The following PPP1R36 variants were observed in gnomAD, a reference collection of about 807,000 sequenced individuals.
PPP1R36 encodes protein phosphatase 1 regulatory subunit 36.
PPP1R36 carries 47 observed loss-of-function variants against 53.4 expected under a neutral mutation model. That is an observed-to-expected ratio of 0.88 (90% confidence interval 0.70 to 1.12). The LOEUF (loss-of-function observed/expected upper bound fraction) is 1.12. Ranked by LOEUF, PPP1R36 falls within the 50% of genes most tolerant of loss-of-function variation. The pLI, the probability that PPP1R36 is intolerant of heterozygous loss-of-function variation, is 0.00. For synonymous variants in PPP1R36, 153 were observed against 170.5 expected, an observed-to-expected ratio of 0.90 and a Z score of 0.80; for missense variants, 456 against 513.9, an observed-to-expected ratio of 0.89 and a Z score of 1.09.
At chr14:64,575,399 TA>T (rs2140240006) in intron 8 of PPP1R36, among the ~76,000 whole-genome samples, 1 of 152,350 alleles carries the variant, frequency 6.6e-6, no homozygotes, top group Admixed American at 6.5e-5. Flanking sequence ...TTATTCTGAC[TA>T]TGTGATTTCA....
chr14:64,585,547 A>G (rs890401555), intron 8 of PPP1R36, among the ~76,000 whole-genome samples: 4 of 143,128 alleles, frequency 2.8e-5, no homozygotes, highest in Admixed American at 1.4e-4. Context: ...AAAATTAGCC[A>G]GTGTGGTGGT....
chr14:64,558,253 A>G (rs1368341716), intron 3 of PPP1R36, among the ~76,000 whole-genome samples: 1 of 152,214 alleles, frequency 6.6e-6, no homozygotes, highest in Admixed American at 6.5e-5. Context: ...GTTACAGGTG[A>G]GAATCTGAGA....
intron 7 of PPP1R36, among the ~76,000 whole-genome samples, chr14:64,571,881 C>T (rs1192637140): frequency 1.3e-5 from 2 of 152,060 alleles, no homozygotes; most frequent in Non-Finnish European, 2.9e-5. Flanking sequence ...GAACACCCCT[C>T]ATAAAACTAT....
intron 3 of PPP1R36, among the ~76,000 whole-genome samples, chr14:64,559,969 G>T (rs1287179113): frequency 6.6e-6 from 1 of 151,920 alleles, no homozygotes; most frequent in Non-Finnish European, 1.5e-5. Context: ...TGGGCATGGT[G>T]GTACGTGCCT....
rs758072719 is a variant in PPP1R36 at position 64,586,885 on chromosome 14, T to C, written c.711+6T>C. 1 of 1,609,422 alleles carries C rather than the reference T, an allele frequency of 6.2e-7. No individual in the cohort carries two copies. The highest frequency in any genetic ancestry group is 8.5e-7 in the Non-Finnish European group (1 of 1,176,370). On this transcript the variant is annotated splice_donor_region_variant and intron_variant, in intron 9 of 11. Transcript: ENST00000298705. ...AAGACTGGAAGTTCTTTGAGGTGAG[T>C]CACTTATGTTTTGGTGCTTTTTGAT...
chr14:64,550,611 C>A (rs1233411371), intron 1 of PPP1R36, among the ~76,000 whole-genome samples: 1 of 152,110 alleles, frequency 6.6e-6, no homozygotes, highest in Non-Finnish European at 1.5e-5. Flanking sequence ...TCCCTTCCTC[C>A]GCTGCTTCTT....
intron 8 of PPP1R36, among the ~76,000 whole-genome samples, chr14:64,577,403 G>A (rs1355347499): frequency 6.6e-6 from 1 of 152,106 alleles, no homozygotes; most frequent in Admixed American, 6.5e-5. Flanking sequence ...CCACAGTTGC[G>A]GGACTTCTCT....
intron 3 of PPP1R36, among the ~76,000 whole-genome samples, chr14:64,554,591 T>C (rs917830173): frequency 6.6e-6 from 1 of 152,200 alleles, no homozygotes; most frequent in Non-Finnish European, 1.5e-5. Flanking sequence ...TGGAGACTTT[T>C]GTTACTCCAG....
chr14:64,583,075 A>ATT (rs34144614), intron 8 of PPP1R36, among the ~76,000 whole-genome samples: 2,317 of 133,024 alleles, frequency 0.017, 39 homozygotes, highest in Middle Eastern at 0.033. Context: ...ATATATATAT[A>ATT]TTTTTTTTTT....
intron 8 of PPP1R36, among the ~76,000 whole-genome samples, chr14:64,581,869 G>A (rs1041965007): frequency 1.3e-5 from 2 of 152,136 alleles, no homozygotes; most frequent in African/African-American, 2.4e-5. Context: ...GAATTTTGAT[G>A]AACACGTTCA....
chr14:64,554,146 T>TG (rs1320100794), intron 3 of PPP1R36, among the ~76,000 whole-genome samples: 2 of 138,548 alleles, frequency 1.4e-5, no homozygotes, highest in African/African-American at 2.8e-5. Context: ...ACAATTGTTT[T>TG]TTTTTTTTTT....
intron 11 of PPP1R36, 125 bp downstream of exon 11, chr14:64,588,420 TCTTA>T: frequency 1.3e-6 from 1 of 798,270 alleles, no homozygotes; most frequent in Admixed American, 2.9e-5. Context: ...GCCCCCATTT[TCTTA>T]CTTCTGCCCT....
rs999566960 is a variant in PPP1R36, at chr14:64,589,270, A to G, written c.1201A>G (p.Met401Val). 1 of 1,613,820 alleles carries G rather than the reference A, an allele frequency of 6.2e-7. No homozygotes were observed. The highest frequency in any genetic ancestry group is 8.5e-7 in the Non-Finnish European group (1 of 1,179,810). The stretch of plus-strand genomic sequence containing the variant: ...TCCTTCCTTGATGGAAAACAATAAC[A>G]TGAGGATTCAGGATACACTGGACTT... ...RYPSLMENNNMRIQDTLDLVM... is the reference protein window; with the variant it reads ...RYPSLMENNNVRIQDTLDLVM... Residue 401 changes from methionine to valine, a missense_variant, in exon 12 of 12, where the codon ATG (methionine) becomes GTG (valine). Physicochemically the swap from Met to Val is conservative, Grantham distance 21 (BLOSUM62 1). Transcript: ENST00000298705.
chr14:64,556,217 C>G (rs753502211), intron 3 of PPP1R36, among the ~76,000 whole-genome samples: 17 of 151,540 alleles, frequency 1.1e-4, no homozygotes, highest in Non-Finnish European at 1.8e-4. Context: ...GCAATTCTCC[C>G]TTAGCCTCCC....
intron 2 of PPP1R36, 102 bp from the exon 3 acceptor site, chr14:64,552,707 CATTTT>C (rs1177654182): frequency 1.1e-5 from 9 of 795,550 alleles, no homozygotes; most frequent in Non-Finnish European, 1.7e-5. Context: ...AAAGGCTTAA[CATTTT>C]ATTAGAGTCA....
chr14:64,554,476 C>CAAACCTATCTGTTACAGATAGTTA (rs368376581), intron 3 of PPP1R36, among the ~76,000 whole-genome samples: 2,046 of 152,020 alleles, frequency 0.013, 45 homozygotes, highest in African/African-American at 0.046. Flanking sequence ...ACAGATAGTT[C>CAAACCTATCTGTTACAGATAGTTA]AAACCTATCT....
At chr14:64,575,119 T>C (rs2080332174) in intron 8 of PPP1R36, among the ~76,000 whole-genome samples, 1 of 152,178 alleles carries the variant, frequency 6.6e-6, no homozygotes, top group Non-Finnish European at 1.5e-5. Flanking sequence ...AGGTTTGGGA[T>C]CACAAGGTCG....
intron 6 of PPP1R36, 118 bp downstream of exon 6, chr14:64,565,810 A>T: frequency 1.3e-6 from 1 of 772,056 alleles, no homozygotes; most frequent in Non-Finnish European, 2.2e-6. Context: ...GCTCTATGCA[A>T]GCCATCCTCT....
At chr14:64,575,658 T>G (rs946436897) in intron 8 of PPP1R36, among the ~76,000 whole-genome samples, 8 of 151,990 alleles carry the variant, frequency 5.3e-5, no homozygotes, top group Non-Finnish European at 8.8e-5. Flanking sequence ...TTTGGGGTTT[T>G]TTTTTTTTTT....
Sources: gnomAD v4.1 joint callset for allele counts (sites outside exome capture counted in the v4.1 genomes callset) on GRCh38, gnomAD v4.1.1 for gene constraint, MANE v1.5 for transcripts, NCBI Gene and HGNC (gene_info 2026-07-23, HGNC 2026-07-21) for gene names.